Variants in EEIG2 observed in about 807,000 individuals in gnomAD.
EEIG2 encodes family with sequence similarity 102 member B.
At chr1:108,565,024 A>G in the EEIG2 span, among the ~76,000 whole-genome samples, 124 of 152,326 alleles carry the variant, frequency 8.1e-4, no homozygotes, top group African/African-American at 2.8e-3. Context: ...ATTGTTTTCA[A>G]TGAAGAGATT....
chr1:108,633,872 G>C, the EEIG2 span, among the ~76,000 whole-genome samples: 35 of 152,028 alleles, frequency 2.3e-4, no homozygotes, highest in Non-Finnish European at 3.7e-4. Context: ...TCTGAGCTTT[G>C]ATCTCTGACT....
chr1:108,560,690 A>G, the EEIG2 span: 1 of 1,169,260 alleles, frequency 8.6e-7, no homozygotes, highest in Non-Finnish European at 1.2e-6. Context: ...AGTCGAATTT[A>G]TTGATCTGCA....
chr1:108,613,366 T>C, the EEIG2 span, among the ~76,000 whole-genome samples: 1 of 152,200 alleles, frequency 6.6e-6, no homozygotes, highest in Non-Finnish European at 1.5e-5. Context: ...CTCACAAAAG[T>C]AGTCAGTGGC....
At chr1:108,575,607 A>G in the EEIG2 span, among the ~76,000 whole-genome samples, 172 of 152,374 alleles carry the variant, frequency 1.1e-3, no homozygotes, top group Non-Finnish European at 2.1e-3. Flanking sequence ...TGATGTATCC[A>G]TAGCATGGAA....
At chr1:108,569,847 C>T in the EEIG2 span, among the ~76,000 whole-genome samples, 1 of 152,156 alleles carries the variant, frequency 6.6e-6, no homozygotes, top group African/African-American at 2.4e-5. Flanking sequence ...AATCAGTTAT[C>T]TTCTCAGTTT....
the EEIG2 span, among the ~76,000 whole-genome samples, chr1:108,563,528 T>C: frequency 2.0e-5 from 3 of 152,166 alleles, no homozygotes; most frequent in Non-Finnish European, 4.4e-5. Flanking sequence ...CTCATCTTGC[T>C]ACAGAAAAGC....
chr1:108,587,446 T>C, the EEIG2 span, among the ~76,000 whole-genome samples: 3 of 152,280 alleles, frequency 2.0e-5, no homozygotes, highest in East Asian at 5.8e-4. Flanking sequence ...AAAGTTTACG[T>C]TAGGCTTCAC....
the EEIG2 span, among the ~76,000 whole-genome samples, chr1:108,578,153 T>C: frequency 1.6e-5 from 2 of 122,982 alleles, no homozygotes; most frequent in African/African-American, 6.4e-5. Context: ...TGATTTTGTA[T>C]CCTGAGACTT....
At chr1:108,617,497 C>T in the EEIG2 span, among the ~76,000 whole-genome samples, 1 of 152,156 alleles carries the variant, frequency 6.6e-6, no homozygotes, top group Admixed American at 6.6e-5. Flanking sequence ...TATTTAACAT[C>T]CAGCGGGGCA....
At chr1:108,605,449 G>A in the EEIG2 span, among the ~76,000 whole-genome samples, 1 of 152,114 alleles carries the variant, frequency 6.6e-6, no homozygotes, top group Non-Finnish European at 1.5e-5. Context: ...GGAAATGATA[G>A]ATAATGCATT....
chr1:108,585,090 C>A, the EEIG2 span, among the ~76,000 whole-genome samples: 1 of 152,082 alleles, frequency 6.6e-6, no homozygotes, highest in Non-Finnish European at 1.5e-5. Flanking sequence ...TAATTATACA[C>A]AATTGAAAAC....
the EEIG2 span, among the ~76,000 whole-genome samples, chr1:108,590,503 A>G: frequency 6.6e-6 from 1 of 151,960 alleles, no homozygotes; most frequent in Non-Finnish European, 1.5e-5. Flanking sequence ...ACTGTTCTGA[A>G]CTCTTGTGTG....
the EEIG2 span, among the ~76,000 whole-genome samples, chr1:108,584,260 G>A: frequency 6.6e-6 from 1 of 152,118 alleles, no homozygotes; most frequent in African/African-American, 2.4e-5. Flanking sequence ...AAGGATTAGT[G>A]TAAATGAAAA....
chr1:108,631,971 G>A, the EEIG2 span, among the ~76,000 whole-genome samples: 99 of 151,986 alleles, frequency 6.5e-4, no homozygotes, highest in Non-Finnish European at 1.2e-3. Context: ...AAAATTAGCC[G>A]GGTGTGGTGG....
At chr1:108,596,382 C>T in the EEIG2 span, among the ~76,000 whole-genome samples, 2 of 152,072 alleles carry the variant, frequency 1.3e-5, no homozygotes, top group South Asian at 2.1e-4. Flanking sequence ...TCTCACATGG[C>T]CCAACAGGGA....
chr1:108,604,860 C>A, the EEIG2 span, among the ~76,000 whole-genome samples: 1 of 140,334 alleles, frequency 7.1e-6, no homozygotes, highest in Non-Finnish European at 1.5e-5. Flanking sequence ...AAGACCCCAC[C>A]TCTCCAAAAA....
the EEIG2 span, among the ~76,000 whole-genome samples, chr1:108,594,255 A>G: frequency 4.7e-3 from 722 of 152,312 alleles, 10 homozygotes; most frequent in Non-Finnish European, 4.7e-3. Context: ...AGAAATAGTC[A>G]CATAAATACC....
chr1:108,572,379 G>A, the EEIG2 span, among the ~76,000 whole-genome samples: 118 of 152,014 alleles, frequency 7.8e-4, 1 homozygote, highest in South Asian at 1.7e-3. Flanking sequence ...CCTGCCACAC[G>A]GTCGTACATT....
the EEIG2 span, chr1:108,638,936 T>C: frequency 1.3e-5 from 2 of 152,230 alleles, no homozygotes; most frequent in Non-Finnish European, 2.9e-5. Flanking sequence ...ATTTACACAA[T>C]GTATTCTGCA....
Sources: allele counts gnomAD v4.1 joint callset (sites outside exome capture counted in the v4.1 genomes callset), GRCh38; gene constraint gnomAD v4.1.1; transcripts MANE v1.5; gene names NCBI Gene and HGNC (gene_info 2026-07-23, HGNC 2026-07-21).